KCNH8: variants seen among roughly 807,000 people sequenced by gnomAD.
KCNH8 encodes voltage-gated delayed rectifier potassium channel KCNH8.
In KCNH8, 70 loss-of-function variants were observed where a neutral mutation model predicts 103.6. The observed-to-expected ratio is 0.68, with a 90% CI of 0.56 to 0.82. KCNH8 has a LOEUF of 0.82. KCNH8 is among the 40% of genes least tolerant of loss of function. The pLI, the probability that KCNH8 is intolerant of heterozygous loss-of-function variation, is 0.00. For missense variants in KCNH8, 1,217 were observed against 1,329.9 expected (o/e 0.92, Z 1.32); for synonymous variants, 498 against 489.4 (o/e 1.02, Z -0.23).
At chr3:19,495,791 G>C (rs2068426843) in intron 11 of KCNH8, among the ~76,000 whole-genome samples, 2 of 151,976 alleles carry the variant, frequency 1.3e-5, no homozygotes, top group Admixed American at 6.6e-5. Flanking sequence ...ACTCTATGCA[G>C]TGTGGCCATT....
chr3:19,249,426 T>G (rs532772739), intron 1 of KCNH8, among the ~76,000 whole-genome samples: 1 of 152,336 alleles, frequency 6.6e-6, no homozygotes, highest in Non-Finnish European at 1.5e-5. Flanking sequence ...AAGTGCTAAA[T>G]ATAAACAGAA....
intron 7 of KCNH8, among the ~76,000 whole-genome samples, chr3:19,420,513 A>G (rs2125156141): frequency 6.6e-6 from 1 of 152,292 alleles, no homozygotes; most frequent in East Asian, 1.9e-4. Context: ...GTGCTAGCTA[A>G]TTTCATTAAT....
At position 19,253,865 on chromosome 3, in the gene KCNH8, A is replaced by C. The variant is rs1021373193; in HGVS notation, c.288A>C (p.Glu96Asp). 1.9e-6 allele frequency: 3 copies of C among 1,612,942 alleles called. No homozygotes were observed. The highest frequency in any genetic ancestry group is 1.3e-5 in the African/African-American group (1 of 74,840). ...SLEEKTEFKGEIMFYKKNGSP... is the reference protein window; with the variant it reads ...SLEEKTEFKGDIMFYKKNGSP... Reference sequence around the variant, plus strand: ...AGGAGAAAACAGAATTCAAAGGAGAAATTATGTTCTACAAGAAAAACGGTG... The same window carrying C: ...AGGAGAAAACAGAATTCAAAGGAGACATTATGTTCTACAAGAAAAACGGTG... Residue 96 changes from glutamate (E) to aspartate (D), a missense_variant, in exon 2 of 16, where the codon GAA becomes GAC. By Grantham distance (45) the Glu-to-Asp change is conservative (BLOSUM62 2). Coordinates refer to ENST00000328405, the MANE Select transcript of KCNH8 (RefSeq NM_144633.3).
chr3:19,182,364 TA>T (rs1269063720), intron 1 of KCNH8, among the ~76,000 whole-genome samples: 2 of 151,802 alleles, frequency 1.3e-5, no homozygotes, highest in Admixed American at 6.6e-5. Context: ...CCGTCTCTAC[TA>T]AAAAAATACA....
intron 3 of KCNH8, among the ~76,000 whole-genome samples, chr3:19,331,189 T>G (rs766479820): frequency 2.0e-5 from 3 of 151,440 alleles, no homozygotes; most frequent in Non-Finnish European, 4.4e-5. Context: ...GTAACAATAA[T>G]AGCTACATGT....
chr3:19,412,501 A>G (rs2066796114), intron 7 of KCNH8, among the ~76,000 whole-genome samples: 1 of 152,014 alleles, frequency 6.6e-6, no homozygotes, highest in African/African-American at 2.4e-5. Flanking sequence ...TTATAACTAA[A>G]TAGTCAAAAG....
intron 7 of KCNH8, among the ~76,000 whole-genome samples, chr3:19,405,674 A>G (rs2066680794): frequency 6.6e-6 from 1 of 151,976 alleles, no homozygotes; most frequent in Admixed American, 6.6e-5. Context: ...ATTTCATAAA[A>G]GAACATGACA....
chr3:19,273,236 T>C (rs933136448), intron 2 of KCNH8, among the ~76,000 whole-genome samples: 3 of 152,208 alleles, frequency 2.0e-5, no homozygotes, highest in Non-Finnish European at 2.9e-5. Context: ...CAAATTCTCA[T>C]TTAAAGCAAG....
intron 1 of KCNH8, among the ~76,000 whole-genome samples, chr3:19,159,812 C>T (rs1355347538): frequency 6.6e-6 from 1 of 152,054 alleles, no homozygotes; most frequent in Non-Finnish European, 1.5e-5. Context: ...ACAACATGCA[C>T]ATTGTACACC....
chr3:19,480,294 C>T (rs961627968), intron 11 of KCNH8, among the ~76,000 whole-genome samples: 11 of 152,302 alleles, frequency 7.2e-5, no homozygotes, highest in Admixed American at 7.2e-4. Context: ...AAGCTTCCTT[C>T]TGCCTCAACA....
chr3:19,321,030 A>G (rs978320299), intron 3 of KCNH8, among the ~76,000 whole-genome samples: 12 of 151,824 alleles, frequency 7.9e-5, no homozygotes, highest in Non-Finnish European at 1.5e-4. Flanking sequence ...CTGTTGCAAT[A>G]TCTCCCATTT....
intron 5 of KCNH8, among the ~76,000 whole-genome samples, chr3:19,364,093 T>C (rs2065979779): frequency 6.6e-6 from 1 of 152,086 alleles, no homozygotes; most frequent in Non-Finnish European, 1.5e-5. Flanking sequence ...TCCCTTCCTC[T>C]CTTCCTCTTT....
At chr3:19,221,428 G>T (rs2063873092) in intron 1 of KCNH8, among the ~76,000 whole-genome samples, 1 of 152,114 alleles carries the variant, frequency 6.6e-6, no homozygotes, top group Admixed American at 6.5e-5. Context: ...GATACATTCG[G>T]CAGTCAGTGA....
chr3:19,293,372 C>T (rs1204399051), intron 3 of KCNH8, among the ~76,000 whole-genome samples: 1 of 152,156 alleles, frequency 6.6e-6, no homozygotes, highest in Non-Finnish European at 1.5e-5. Flanking sequence ...TGAAACAGAG[C>T]TCCTATCACA....
intron 2 of KCNH8, among the ~76,000 whole-genome samples, chr3:19,265,096 A>G (rs1272492875): frequency 6.6e-6 from 1 of 152,078 alleles, no homozygotes; most frequent in Non-Finnish European, 1.5e-5. Context: ...GAGTAGCTCA[A>G]TAATAGCTAG....
chr3:19,358,578 A>G (rs997609112), intron 5 of KCNH8, among the ~76,000 whole-genome samples: 1 of 152,010 alleles, frequency 6.6e-6, no homozygotes, highest in African/African-American at 2.4e-5. Context: ...AATAAACAAT[A>G]TTGTTTCAAT....
At chr3:19,466,061 T>C (rs999774413) in intron 11 of KCNH8, among the ~76,000 whole-genome samples, 7 of 151,970 alleles carry the variant, frequency 4.6e-5, no homozygotes, top group Admixed American at 1.3e-4. Context: ...CAGCCTCCCA[T>C]GCACGGGCAT....
At chr3:19,411,745 C>T (rs13096112) in intron 7 of KCNH8, among the ~76,000 whole-genome samples, 1 of 151,388 alleles carries the variant, frequency 6.6e-6, no homozygotes, top group Non-Finnish European at 1.5e-5. Flanking sequence ...ATCAAGAACA[C>T]AATCCCATTA....
chr3:19,399,991 A>G (rs543113197), intron 7 of KCNH8, among the ~76,000 whole-genome samples: 4 of 151,872 alleles, frequency 2.6e-5, no homozygotes, highest in Non-Finnish European at 4.4e-5. Context: ...TGGCCTGAAC[A>G]TGTTTCTGTC....
Sources: allele counts gnomAD v4.1 joint callset (sites outside exome capture counted in the v4.1 genomes callset), GRCh38; gene constraint gnomAD v4.1.1; transcripts MANE v1.5; gene names NCBI Gene and HGNC (gene_info 2026-07-23, HGNC 2026-07-21).